Variants in XYLT1 observed in about 807,000 individuals in gnomAD.
XYLT1 encodes the protein xylosyltransferase 1, also known as beta-D-xylosyltransferase 1.
Under a neutral mutation model 91.3 loss-of-function variants are expected in XYLT1, and 36 were observed. That is an observed-to-expected ratio of 0.39 (90% CI 0.30 to 0.52). The LOEUF (loss-of-function observed/expected upper bound fraction) is 0.52. XYLT1 is among the 20% of genes least tolerant of loss of function. The pLI, the probability that XYLT1 is intolerant of heterozygous loss-of-function variation, is 0.68. For synonymous variants in XYLT1, 588 were observed against 532.0 expected (o/e 1.11, Z -1.45); for missense variants, 1,242 against 1,284.5 (o/e 0.97, Z 0.51).
chr16:17,314,472 G>A (rs1393377646), intron 2 of XYLT1, among the ~76,000 whole-genome samples: 1 of 152,204 alleles, frequency 6.6e-6, no homozygotes, highest in Non-Finnish European at 1.5e-5. Context: ...TGGAGCATGA[G>A]AAGTACCTCT....
Position 17,259,111 on chromosome 16 carries a change from C to T in XYLT1, c.790G>A (p.Ala264Thr), listed in dbSNP as rs1442751542. Residue 264 changes from alanine (A) to threonine (T), a missense_variant, in exon 3 of 12, where the codon GCC becomes ACC. By Grantham distance (58) the Ala-to-Thr change is moderately conservative (BLOSUM62 0). Coordinates refer to ENST00000261381, the MANE Select transcript of XYLT1 (RefSeq NM_022166.4). ...PPKCDISGKE[A>T]ISALSRAKSK... ...TTAGCACGGGACAGGGCAGAGATGG[C>T]CTCCTTGCCTGAGATGTCACACTTA... The T allele has an allele frequency of 9.5e-6, 15 of 1,572,012 alleles. No homozygotes were observed. Among genetic ancestry groups the T allele is most frequent in the Non-Finnish European group, 1.3e-5 (15 of 1,160,212 alleles).
intron 11 of XYLT1, 56 bp downstream of exon 11, chr16:17,117,590 C>T (rs1318073342): frequency 1.3e-6 from 2 of 1,557,888 alleles, no homozygotes; most frequent in African/African-American, 1.4e-5. Context: ...CACCAAAGAC[C>T]CTCAAGGTCC....
intron 1 of XYLT1, among the ~76,000 whole-genome samples, chr16:17,448,578 G>C (rs2036622960): frequency 6.6e-6 from 1 of 152,016 alleles, no homozygotes; most frequent in African/African-American, 2.4e-5. Flanking sequence ...AGGAAGGAGG[G>C]AGAGGAAGAG....
intron 2 of XYLT1, among the ~76,000 whole-genome samples, chr16:17,316,376 T>C (rs927286541): frequency 1.3e-4 from 19 of 151,944 alleles, no homozygotes; most frequent in African/African-American, 4.6e-4. Context: ...GAAACAAGAG[T>C]TAGGACCCCC....
chr16:17,134,935 C>A (rs907655266), intron 8 of XYLT1, among the ~76,000 whole-genome samples, 200 bp from the exon 9 acceptor site: 1 of 132,038 alleles, frequency 7.6e-6, no homozygotes, highest in African/African-American at 2.5e-5. Context: ...CTGTGCAGAA[C>A]ATCTAAAGCA....
At chr16:17,245,731 A>T (rs1042418484) in intron 3 of XYLT1, among the ~76,000 whole-genome samples, 1 of 152,238 alleles carries the variant, frequency 6.6e-6, no homozygotes. Context: ...ACGGGGTAAT[A>T]AATTGTGACC....
chr16:17,352,492 A>T (rs2035235385), intron 2 of XYLT1, among the ~76,000 whole-genome samples: 1 of 152,228 alleles, frequency 6.6e-6, no homozygotes, highest in African/African-American at 2.4e-5. Flanking sequence ...CAAATGCCTT[A>T]ATTGAATCTA....
Position 17,292,659 on chromosome 16 carries a change from C to T in XYLT1, c.403-33161G>A, listed in dbSNP as rs150996326. Among the ~76,000 whole-genome samples the T allele has an allele frequency of 2.3e-3, 343 of 152,308 alleles. 3 individuals carry two copies. Among genetic ancestry groups the T allele is most frequent in the African/African-American group, 7.9e-3 (330 of 41,562 alleles). ...AAAACCACTTTGGTAGGAGACGATG[C>T]CACCAGAATAGCAATGGGAAATGAA... On this transcript the variant is annotated intron_variant, in intron 2 of 11. Transcript: ENST00000261381.
At chr16:17,225,177 A>ACACACACACTCT (rs150256998) in intron 3 of XYLT1, among the ~76,000 whole-genome samples, 44 of 147,460 alleles carry the variant, frequency 3.0e-4, no homozygotes, top group African/African-American at 7.1e-4. Context: ...ACACACACAC[A>ACACACACACTCT]CTCTCTCTCT....
chr16:17,358,110 A>C, intron 1 of XYLT1, 60 bp from the exon 2 acceptor site: 2 of 1,461,402 alleles, frequency 1.4e-6, no homozygotes, highest in Non-Finnish European at 9.4e-7. Context: ...TTACTACCCC[A>C]GCATCTTTTT....
chr16:17,169,604 G>A (rs1659193504), intron 5 of XYLT1, among the ~76,000 whole-genome samples: 1 of 128,668 alleles, frequency 7.8e-6, no homozygotes, highest in East Asian at 2.7e-4. Context: ...GGCCACGCAG[G>A]AACCCAGGAC....
intron 1 of XYLT1, among the ~76,000 whole-genome samples, chr16:17,394,133 T>C (rs1297506315): frequency 1.3e-5 from 2 of 152,104 alleles, no homozygotes; most frequent in Admixed American, 1.3e-4. Flanking sequence ...TAGTTCCAAA[T>C]ATATTTAATA....
intron 2 of XYLT1, among the ~76,000 whole-genome samples, chr16:17,284,559 G>T (rs2034106702): frequency 1.3e-5 from 2 of 152,202 alleles, no homozygotes; most frequent in South Asian, 4.1e-4. Flanking sequence ...TGGCCCAATG[G>T]TAAGATGGAG....
intron 1 of XYLT1, among the ~76,000 whole-genome samples, chr16:17,399,176 G>A (rs2035932027): frequency 6.6e-6 from 1 of 152,242 alleles, no homozygotes; most frequent in Non-Finnish European, 1.5e-5. Context: ...TGAATCTGGG[G>A]GCAGGAGAGG....
chr16:17,185,296 C>T (rs531113971), intron 5 of XYLT1, among the ~76,000 whole-genome samples: 26 of 152,332 alleles, frequency 1.7e-4, no homozygotes, highest in African/African-American at 5.1e-4. Context: ...AAACTGTTAA[C>T]GGCATAATTA....
At chr16:17,137,430 A>C (rs1478622862) in intron 8 of XYLT1, 1 of 152,134 alleles carries the variant, frequency 6.6e-6, no homozygotes. Context: ...GAAGTAGCAT[A>C]CCGTCTCTAC....
At chr16:17,278,640 G>C (rs2034012843) in intron 2 of XYLT1, among the ~76,000 whole-genome samples, 2 of 152,282 alleles carry the variant, frequency 1.3e-5, no homozygotes, top group Admixed American at 1.3e-4. Context: ...TCAGAGACAA[G>C]CTCCATATAA....
chr16:17,130,434 C>A (rs776534129), intron 9 of XYLT1, among the ~76,000 whole-genome samples: 1 of 149,376 alleles, frequency 6.7e-6, no homozygotes, highest in African/African-American at 2.5e-5. Context: ...AAGCAGCAGT[C>A]CAAAAAATTT....
intron 10 of XYLT1, among the ~76,000 whole-genome samples, chr16:17,124,447 T>TA (rs2030187561): frequency 6.6e-6 from 1 of 152,218 alleles, no homozygotes; most frequent in Admixed American, 6.5e-5. Flanking sequence ...ACAGGACCCT[T>TA]CTGGCTTGTA....
Sources: gnomAD v4.1 joint callset for allele counts (sites outside exome capture counted in the v4.1 genomes callset) on GRCh38, gnomAD v4.1.1 for gene constraint, MANE v1.5 for transcripts, NCBI Gene and HGNC (gene_info 2026-07-23, HGNC 2026-07-21) for gene names.